SIRPB2: variants seen among roughly 807,000 people sequenced by gnomAD.
The protein encoded by SIRPB2 is signal regulatory protein beta 2.
A neutral mutation model predicts 27.1 loss-of-function variants in SIRPB2; 18 were observed. The ratio of observed to expected loss-of-function variants is 0.66; its 90% confidence interval spans 0.46 to 0.98. The LOEUF is 0.98. Ranked by LOEUF, SIRPB2 falls within the 50% of genes least tolerant of loss-of-function variation. The pLI, the probability that SIRPB2 is intolerant of heterozygous loss-of-function variation, is 0.00. For missense variants in SIRPB2, 420 were observed against 417.4 expected, an observed-to-expected ratio of 1.01 and a Z score of -0.06; for synonymous variants, 150 against 164.6, an observed-to-expected ratio of 0.91 and a Z score of 0.68.
In SIRPB2 at chr20:1,481,296, G is replaced by A. The variant is rs368211953; in HGVS notation, c.86-1231C>T. On this transcript the variant is annotated intron_variant, in intron 1 of 4. Transcript: ENST00000359801. Reference sequence around the variant, plus strand: ...TTCCCAAAGTGCTGGGATTACAGGTGTGAGCCACCATGCCCAGCCTATAAT... The same window carrying A: ...TTCCCAAAGTGCTGGGATTACAGGTATGAGCCACCATGCCCAGCCTATAAT... Among the ~76,000 whole-genome samples, 30 of 152,228 alleles carry A rather than the reference G, an allele frequency of 2.0e-4. No individual in the cohort carries two copies. The South Asian group carries it at 5.2e-3, about 26-fold the overall frequency.
intron 1 of SIRPB2, 56 bp downstream of exon 1, chr20:1,491,219 C>T: frequency 2.7e-6 from 4 of 1,486,222 alleles, no homozygotes; most frequent in Non-Finnish European, 2.8e-6. Context: ...ACTTAGTGCC[C>T]CTCTAGGGAC....
chr20:1,473,808 A>G (rs2122998610), downstream of SIRPB2: 1 of 456,200 alleles, frequency 2.2e-6, no homozygotes, highest in Non-Finnish European at 4.4e-6. Flanking sequence ...TTAGTGGAGA[A>G]CCACCTCCAT....
chr20:1,478,868 T>A (rs1010057195), intron 2 of SIRPB2, among the ~76,000 whole-genome samples: 2 of 152,088 alleles, frequency 1.3e-5, no homozygotes, highest in East Asian at 3.9e-4. Flanking sequence ...TGTCTTCCAG[T>A]GGAGATGGTC....
At chr20:1,483,272 A>G (rs1290576779) in intron 1 of SIRPB2, among the ~76,000 whole-genome samples, 1 of 151,892 alleles carries the variant, frequency 6.6e-6, no homozygotes, top group Non-Finnish European at 1.5e-5. Context: ...ACACTTGGCT[A>G]ATGTTTGTAT....
intron 4 of SIRPB2, chr20:1,476,864 T>C (rs1179676177): frequency 8.9e-7 from 1 of 1,128,418 alleles, no homozygotes; most frequent in Non-Finnish European, 1.1e-6. Context: ...ACCTGGCATG[T>C]GTGATCTCCT....
At chr20:1,489,351 A>G (rs76785019) in intron 1 of SIRPB2, among the ~76,000 whole-genome samples, 1,616 of 152,342 alleles carry the variant, frequency 0.011, 31 homozygotes, top group African/African-American at 0.038. Context: ...GGTTTAATAT[A>G]TGTCACTTAC....
intron 4 of SIRPB2, chr20:1,476,732 T>C: frequency 9.5e-7 from 1 of 1,049,122 alleles, no homozygotes; most frequent in Non-Finnish European, 1.1e-6. Context: ...CTGGCCCCCA[T>C]GAATGGCAGG....
At chr20:1,480,636 G>C (rs997333786) in intron 1 of SIRPB2, among the ~76,000 whole-genome samples, 3 of 152,176 alleles carry the variant, frequency 2.0e-5, no homozygotes, top group Non-Finnish European at 4.4e-5. Flanking sequence ...TGAAGATACA[G>C]GGAGAAGGTG....
chr20:1,482,118 G>A (rs1284107670), intron 1 of SIRPB2, among the ~76,000 whole-genome samples: 3 of 152,186 alleles, frequency 2.0e-5, no homozygotes, highest in Non-Finnish European at 4.4e-5. Context: ...ACATGTATAT[G>A]TAGAAGTTAT....
At chr20:1,473,371 CGCACACAT>C (rs765836855), downstream of SIRPB2, 397 of 144,552 alleles carry the variant, frequency 2.7e-3, 1 homozygote, top group South Asian at 9.0e-3. Context: ...CACACAGACA[CGCACACAT>C]GCACACACGC....
chr20:1,476,605 G>T, intron 4 of SIRPB2: 1 of 548,802 alleles, frequency 1.8e-6, no homozygotes, highest in Non-Finnish European at 2.3e-6. Context: ...AATCCTCAAG[G>T]TAATCCTACA....
At chr20:1,490,287 C>T (rs886195072) in intron 1 of SIRPB2, among the ~76,000 whole-genome samples, 5 of 152,294 alleles carry the variant, frequency 3.3e-5, no homozygotes, top group African/African-American at 1.2e-4. Context: ...TCCGACCCCA[C>T]ACCTGGGTTC....
chr20:1,479,985 G>A lies in SIRPB2; in HGVS notation c.166C>T (p.Leu56Phe), dbSNP rs367813438. ...GPMLVAEGET[L>F]LLRCMVVGSC... is the part of the protein sequence containing the mutation. ...CCGACCACCATACACCTCAGTAGAAGTGTCTCACCTTCTGCCACCAGCATG... is the reference window on the plus strand; with the variant it reads ...CCGACCACCATACACCTCAGTAGAAATGTCTCACCTTCTGCCACCAGCATG... The change falls in exon 2 of 5, where the codon CTT (leucine) becomes TTT (phenylalanine). Residue 56 changes from leucine (L) to phenylalanine (F), a missense_variant. Physicochemically the swap from Leu to Phe is conservative, Grantham distance 22 (BLOSUM62 0). Coordinates refer to ENST00000359801, the MANE Select transcript of SIRPB2 (RefSeq NM_001122962.2). The A allele has an allele frequency of 1.6e-5, 26 of 1,614,058 alleles. No individual in the cohort carries two copies. Among genetic ancestry groups the A allele is most frequent in the South Asian group, 3.3e-5 (3 of 91,094 alleles).
In SIRPB2 at chr20:1,476,036, C is replaced by T. The variant is rs1325151183; in HGVS notation, c.*131G>A. 2.9e-6 allele frequency: 3 copies of T among 1,026,248 alleles called. No homozygotes were observed. The highest frequency in any genetic ancestry group is 4.3e-6 in the Non-Finnish European group (3 of 697,098). 63.6% of individuals were successfully genotyped at this position (1,026,248 alleles called of 1,614,324 possible). On this transcript the variant is annotated 3_prime_UTR_variant, in exon 5 of 5. Coordinates refer to ENST00000359801, the MANE Select transcript of SIRPB2 (RefSeq NM_001122962.2). ...GGGAATTTCACTAGGTGGACCAAAA[C>T]CAGATGTAGGGATCTAGGAGTTTGT...
chr20:1,476,707 C>A (rs563712789), intron 4 of SIRPB2: 4 of 1,048,278 alleles, frequency 3.8e-6, no homozygotes, highest in South Asian at 3.4e-5. Context: ...AAAGAAGTCA[C>A]GGGACCCAGG....
chr20:1,486,581 G>A (rs1048019477), intron 1 of SIRPB2, among the ~76,000 whole-genome samples: 21 of 151,982 alleles, frequency 1.4e-4, no homozygotes, highest in Non-Finnish European at 1.3e-4. Context: ...ACCGAATTCA[G>A]CAATCAGCAA....
rs2090596040 is a variant in SIRPB2, at chr20:1,475,098, A to T, written c.*1069T>A. 6.6e-6 allele frequency: 1 copy of T among 152,204 alleles called. No homozygotes were observed. The highest frequency in any genetic ancestry group is 1.5e-5 in the Non-Finnish European group (1 of 68,068). 9.4% of individuals were successfully genotyped at this position (152,204 alleles called of 1,614,324 possible). On this transcript the variant is annotated 3_prime_UTR_variant, in exon 5 of 5. Coordinates refer to ENST00000359801, the MANE Select transcript of SIRPB2 (RefSeq NM_001122962.2). ...ACCCCCCCAGGTTGTGCCAACCAAA[A>T]ACATCTCTAGACATTGCCAAAAGTC...
intron 1 of SIRPB2, chr20:1,480,276 TAAC>T: frequency 1.7e-6 from 1 of 603,818 alleles, no homozygotes; most frequent in Non-Finnish European, 2.8e-6. Context: ...AAACAATAAA[TAAC>T]ACTCAAGTGC....
intron 1 of SIRPB2, among the ~76,000 whole-genome samples, chr20:1,488,341 TA>T (rs1463116276): frequency 6.6e-6 from 1 of 152,144 alleles, no homozygotes; most frequent in Non-Finnish European, 1.5e-5. Flanking sequence ...ATTAGGGAGT[TA>T]AAATCACAGT....
Sources: gnomAD v4.1 joint callset for allele counts (sites outside exome capture counted in the v4.1 genomes callset) on GRCh38, gnomAD v4.1.1 for gene constraint, MANE v1.5 for transcripts, NCBI Gene and HGNC (gene_info 2026-07-23, HGNC 2026-07-21) for gene names.